The following MAP3K15 variants were observed in gnomAD, a reference collection of about 807,000 sequenced individuals.
MAP3K15 encodes MAPK/ERK kinase kinase 15.
Under a neutral mutation model 99.5 loss-of-function variants are expected in MAP3K15, and 124 were observed. That is an observed-to-expected ratio of 1.25 (90% CI 1.08 to 1.45). MAP3K15 has a LOEUF of 1.45. Ranked by LOEUF, MAP3K15 falls within the 40% of genes most tolerant of loss-of-function variation. MAP3K15 has a pLI of 0.00. For missense variants in MAP3K15, 1,242 were observed against 1,079.7 expected (o/e 1.15, Z -2.11); for synonymous variants, 494 against 439.6 (o/e 1.12, Z -1.55).
At chrX:19,386,814 G>T (rs927222875) in intron 18 of MAP3K15, among the ~76,000 whole-genome samples, 1 of 111,134 alleles carries the variant, frequency 9.0e-6, no homozygotes, top group Non-Finnish European at 1.9e-5. Context: ...GAGTAGTTTA[G>T]GGGGGTGGTG....
chrX:19,415,076 C>T (rs1355230549), intron 10 of MAP3K15, 31 bp downstream of exon 10: 16 of 1,099,680 alleles, frequency 1.5e-5, no homozygotes, highest in Admixed American at 1.4e-4. Context: ...TTTTCCTAAT[C>T]TTAAAAAAAA....
At chrX:19,414,360 T>C (rs2063715900) in intron 10 of MAP3K15, 1 of 221,719 alleles carries the variant, frequency 4.5e-6, no homozygotes, top group African/African-American at 3.1e-5. Flanking sequence ...AATGTATTAT[T>C]AACCGGCAAC....
chrX:19,504,335 C>T (rs1277312609), intron 1 of MAP3K15, among the ~76,000 whole-genome samples: 1 of 110,948 alleles, frequency 9.0e-6, no homozygotes, highest in Admixed American at 9.7e-5. Flanking sequence ...AGTGCGTCAC[C>T]TAACTGCTTT....
rs544291503 is a variant in MAP3K15 at position 19,433,305 on chromosome X, A to C, written c.996-1697T>G. On this transcript the variant is annotated intron_variant, in intron 6 of 28. Transcript: ENST00000338883. ...GTTTCTGGATAAGATTAGCATCTGA[A>C]TCAAGAGTCTGAGTAAAGAAGACCA... 2.8e-3 allele frequency among the ~76,000 whole-genome samples: 317 copies of C among 111,708 alleles called. 1 individual carries two copies. Among genetic ancestry groups the C allele is most frequent in the South Asian group, 7.2e-3 (19 of 2,650 alleles).
At chrX:19,415,959 T>C (rs996424843) in intron 9 of MAP3K15, among the ~76,000 whole-genome samples, 19 of 111,950 alleles carry the variant, frequency 1.7e-4, no homozygotes, top group African/African-American at 6.2e-4. Context: ...CTGTAGTGCA[T>C]ACTGCACTAC....
chrX:19,398,557 A>G (rs1176471690), intron 14 of MAP3K15, among the ~76,000 whole-genome samples, 198 bp from the exon 15 acceptor site: 1 of 112,050 alleles, frequency 8.9e-6, no homozygotes, highest in African/African-American at 3.2e-5. Context: ...TCACCTGTTC[A>G]TAGTATGACT....
chrX:19,486,564 C>T lies in MAP3K15; in HGVS notation c.502-59G>A, dbSNP rs141127193. 2,853 of 545,075 alleles carry T rather than the reference C, an allele frequency of 5.2e-3. 16 individuals carry two copies. Among genetic ancestry groups the T allele is most frequent in the Non-Finnish European group, 5.5e-3 (2,036 of 370,175 alleles). The allele number at this position is 545,075 out of a possible 1,213,427, so 44.9% of individuals were successfully genotyped here. A position where few individuals can be genotyped will look rare whatever the true frequency, so the allele number is the denominator to read the frequency against. ...TTGTAAAACAGCTAATTTCCATAAG[C>T]ATTAGCCAGCACTCCCCTCTATAAA... On this transcript the variant is annotated intron_variant, in intron 2 of 28. Transcript: ENST00000338883.
chrX:19,514,974 A>G lies in MAP3K15; in HGVS notation c.288T>C (p.Ala96=). The change falls in exon 1 of 29, where the codon GCT becomes GCC. Residue 96 remains alanine (A), a synonymous_variant. Transcript: ENST00000338883. ...CLLRACEAEG[A]HLTSVPFGEL... Reference sequence around the variant, plus strand: ...CCCCGAAGGGCACGGAGGTGAGGTGAGCGCCCTCGGCCTCGCAGGCCCGCA... The same window carrying G: ...CCCCGAAGGGCACGGAGGTGAGGTGGGCGCCCTCGGCCTCGCAGGCCCGCA... The G allele has an allele frequency of 1.8e-6, 2 of 1,136,988 alleles. No individual in the cohort carries two copies. The highest frequency in any genetic ancestry group is 1.2e-6 in the Non-Finnish European group (1 of 864,258). The allele number at this position is 1,136,988 out of a possible 1,213,427, so 93.7% of individuals were successfully genotyped here.
intron 26 of MAP3K15, 196 bp from the exon 27 acceptor site, chrX:19,361,789 T>TC (rs2147197085): frequency 2.8e-6 from 1 of 356,470 alleles, no homozygotes; most frequent in East Asian, 4.7e-5. Flanking sequence ...AGCCTCCTCA[T>TC]CTAGGATACC....
rs146354069 is a variant in MAP3K15, at chrX:19,370,701, G to A, written c.3400+258C>T. ...CATGAGCCACCGCGTCCGGCCCCAT[G>A]CTCCCTTTTGAGATTGTGAGTTATA... is the stretch of plus-strand genomic sequence containing the variant. On this transcript the variant is annotated intron_variant, in intron 24 of 28. Coordinates refer to ENST00000338883, the MANE Select transcript of MAP3K15 (RefSeq NM_001001671.4). 3.6e-3 allele frequency among the ~76,000 whole-genome samples: 400 copies of A among 111,503 alleles called. 3 individuals are homozygous for A. The highest frequency in any genetic ancestry group is 4.7e-3 in the Non-Finnish European group (250 of 53,044).
Position 19,426,280 on chromosome X carries a change from C to T in MAP3K15, c.1230G>A (p.Leu410=), listed in dbSNP as rs2063829653. 1 of 1,173,630 alleles carries T rather than the reference C, an allele frequency of 8.5e-7. No homozygotes were observed. Among genetic ancestry groups the T allele is most frequent in the African/African-American group, 1.8e-5 (1 of 57,112 alleles). ...TTTCAAATTGTTGTCCAGCAACAAT[C>T]AGCAAAACTGCAAGATTAATTCCCG... ...LYSGINLAVL[L]IVAGQQFETS... is the part of the protein sequence containing the mutation. Residue 410 remains leucine, a synonymous_variant, in exon 8 of 29, where the codon CTG becomes CTA. Coordinates refer to ENST00000338883, the MANE Select transcript of MAP3K15 (RefSeq NM_001001671.4).
intron 9 of MAP3K15, among the ~76,000 whole-genome samples, chrX:19,422,911 A>G (rs2063798513): frequency 9.1e-6 from 1 of 110,174 alleles, no homozygotes; most frequent in South Asian, 3.9e-4. Flanking sequence ...CATCATTCTC[A>G]GCAAACTATC....
Position 19,480,751 on chromosome X carries a change from G to A in MAP3K15, c.525+5731C>T, listed in dbSNP as rs1387918604. Among the ~76,000 whole-genome samples the A allele has an allele frequency of 4.7e-5, 5 of 105,728 alleles. No individual in the cohort carries two copies. The Admixed American group carries it at 5.1e-4, about 11-fold the overall frequency. The allele number at this position is 105,728 out of a possible 115,157, so 91.8% of individuals were successfully genotyped here. ...TGAGGCAGGAGAATTGCTTGAACCCGGGAGGCAGAGGTTGCAGTGAGCGGA... is the reference window on the plus strand; with the variant it reads ...TGAGGCAGGAGAATTGCTTGAACCCAGGAGGCAGAGGTTGCAGTGAGCGGA... On this transcript the variant is annotated intron_variant, in intron 3 of 28. Transcript: ENST00000338883.
intron 9 of MAP3K15, among the ~76,000 whole-genome samples, chrX:19,420,413 A>G (rs1335954115): frequency 1.8e-5 from 2 of 111,779 alleles, no homozygotes; most frequent in Non-Finnish European, 3.8e-5. Context: ...AAACACCTCT[A>G]CGCAAATAAA....
intron 18 of MAP3K15, among the ~76,000 whole-genome samples, chrX:19,385,267 C>A (rs2063487030): frequency 9.0e-6 from 1 of 111,515 alleles, no homozygotes; most frequent in Admixed American, 9.6e-5. Flanking sequence ...TCCAAGCTCA[C>A]TAAGGATAGA....
Position 19,369,134 on chromosome X carries a change from G to T in MAP3K15, c.3486C>A (p.Ala1162=). The change falls in exon 25 of 29, where the codon GCC becomes GCA. Residue 1162 remains alanine, a synonymous_variant. Coordinates refer to ENST00000338883, the MANE Select transcript of MAP3K15 (RefSeq NM_001001671.4). ...GCTGGGCCTCCTGGCCAGGTCCGGT[G>T]GCTGGGGGATAGCCCTCTTCCGCTT... is the stretch of plus-strand genomic sequence containing the variant. ...MDEAEEGYPP[A]TGPGQEAQPH... is the part of the protein sequence containing the mutation. The T allele has an allele frequency of 1.7e-6, 2 of 1,211,038 alleles. No homozygotes were observed. The highest frequency in any genetic ancestry group is 2.2e-6 in the Non-Finnish European group (2 of 895,292).
rs760272533 is a variant in MAP3K15 at position 19,392,034 on chromosome X, G to A, written c.2399C>T (p.Ala800Val). ...ISDFGTSKRLAGVNPCTETFT... is the reference protein window; with the variant it reads ...ISDFGTSKRLVGVNPCTETFT... ...AGTCTCTGTGCAGGGGTTCACACCC[G>A]CAAGACGTTTCGAGGTTCCAAAATC... Residue 800 changes from alanine (A) to valine (V), a missense_variant, in exon 18 of 29, where the codon GCG (alanine) becomes GTG (valine). Transcript: ENST00000338883. 24 of 1,208,341 alleles carry A rather than the reference G, an allele frequency of 2.0e-5. No homozygotes were observed. In the East Asian group the frequency reaches 6.2e-4, roughly 31 times the overall value.
At chrX:19,455,130 G>A (rs1334029134) in intron 6 of MAP3K15, among the ~76,000 whole-genome samples, 4 of 110,701 alleles carry the variant, frequency 3.6e-5, no homozygotes, top group African/African-American at 6.6e-5. Flanking sequence ...GGTTCTCAGT[G>A]TTGGAGACCC....
chrX:19,429,766 G>C (rs1215679062), intron 7 of MAP3K15, among the ~76,000 whole-genome samples: 2 of 10,580 alleles, frequency 1.9e-4, no homozygotes, highest in Non-Finnish European at 4.0e-4. Context: ...AAGGAAGAGA[G>C]AGAGAGAGAG....
Sources: allele counts gnomAD v4.1 joint callset (sites outside exome capture counted in the v4.1 genomes callset), GRCh38; gene constraint gnomAD v4.1.1; transcripts MANE v1.5; gene names NCBI Gene and HGNC (gene_info 2026-07-23, HGNC 2026-07-21).